The following CCDC85A variants were observed in gnomAD, a reference collection of about 807,000 sequenced individuals.
The protein encoded by CCDC85A is coiled-coil domain-containing protein 85A.
Under a neutral mutation model 50.2 loss-of-function variants are expected in CCDC85A, and 38 were observed. The observed-to-expected ratio is 0.76, with a 90% CI of 0.58 to 0.99. The LOEUF is 0.99. Among genes scored for constraint, CCDC85A ranks in the 50% least tolerant of loss-of-function variants. The pLI is 0.00. For synonymous variants in CCDC85A, 366 were observed against 301.4 expected (o/e 1.21, Z -2.22); for missense variants, 820 against 742.0 (o/e 1.11, Z -1.22).
intron 2 of CCDC85A, among the ~76,000 whole-genome samples, chr2:56,241,698 A>C (rs776638213): frequency 6.6e-6 from 1 of 152,202 alleles, no homozygotes; most frequent in Non-Finnish European, 1.5e-5. Context: ...ACTCCATGGT[A>C]TATACCACAT....
chr2:56,188,871 G>A (rs1033453749), intron 1 of CCDC85A, among the ~76,000 whole-genome samples: 1 of 152,224 alleles, frequency 6.6e-6, no homozygotes, highest in Admixed American at 6.5e-5. Flanking sequence ...AAGGCACCAT[G>A]CCAGATATGT....
chr2:56,204,726 G>C (rs752023078), intron 2 of CCDC85A, among the ~76,000 whole-genome samples: 1 of 152,198 alleles, frequency 6.6e-6, no homozygotes. Context: ...GGAATTCTGT[G>C]TGTAGGTGGA....
At position 56,193,161 on chromosome 2, in the gene CCDC85A, C is replaced by G; in HGVS notation, c.961C>G (p.Arg321Gly). ...SGSPEHFQKH[R>G]SGSSPEHARH... ...GAGCCCGGAACACTTCCAGAAGCAC[C>G]GGTCAGGGAGCAGCCCTGAACACGC... Residue 321 changes from arginine (R) to glycine (G), a missense_variant, in exon 2 of 6, where the codon CGG becomes GGG. Coordinates refer to ENST00000407595, the MANE Select transcript of CCDC85A (RefSeq NM_001080433.2). 6.2e-7 allele frequency: 1 copy of G among 1,613,434 alleles called. No individual in the cohort carries two copies. Among genetic ancestry groups the G allele is most frequent in the Non-Finnish European group, 8.5e-7 (1 of 1,179,782 alleles).
At chr2:56,340,043 T>TTGTCTCCAATGGTGTG (rs1674279323) in intron 2 of CCDC85A, among the ~76,000 whole-genome samples, 1 of 152,232 alleles carries the variant, frequency 6.6e-6, no homozygotes, top group Admixed American at 6.5e-5. Context: ...TCAAAGCTAA[T>TTGTCTCCAATGGTGTG]TGTCTCCAAT....
At chr2:56,267,987 A>G (rs1357025998) in intron 2 of CCDC85A, among the ~76,000 whole-genome samples, 2 of 152,202 alleles carry the variant, frequency 1.3e-5, no homozygotes, top group Non-Finnish European at 2.9e-5. Flanking sequence ...TAGACTTTCT[A>G]TGTTCATATT....
At chr2:56,334,741 C>T (rs903424603) in intron 2 of CCDC85A, among the ~76,000 whole-genome samples, 1 of 152,060 alleles carries the variant, frequency 6.6e-6, no homozygotes, top group Non-Finnish European at 1.5e-5. Flanking sequence ...TTTTTCATTC[C>T]ATGAAAGGAA....
chr2:56,315,067 C>T (rs1270799500), intron 2 of CCDC85A, among the ~76,000 whole-genome samples: 1 of 152,176 alleles, frequency 6.6e-6, no homozygotes, highest in East Asian at 1.9e-4. Context: ...TCATCTGTCA[C>T]AGGCTTCTGG....
intron 2 of CCDC85A, among the ~76,000 whole-genome samples, chr2:56,274,357 C>T (rs1670831437): frequency 6.6e-6 from 1 of 152,076 alleles, no homozygotes; most frequent in South Asian, 2.1e-4. Flanking sequence ...TGGGGGCTGA[C>T]AAGTTTGAAA....
At chr2:56,310,600 A>T (rs1672646254) in intron 2 of CCDC85A, among the ~76,000 whole-genome samples, 1 of 152,158 alleles carries the variant, frequency 6.6e-6, no homozygotes, top group Non-Finnish European at 1.5e-5. Flanking sequence ...AAAAAATTTG[A>T]TCTACTTCAG....
chr2:56,347,082 G>A (rs1198967291), intron 3 of CCDC85A, among the ~76,000 whole-genome samples: 2 of 152,170 alleles, frequency 1.3e-5, no homozygotes, highest in African/African-American at 4.8e-5. Context: ...GTTTTAAGGA[G>A]TTTTGTATCA....
chr2:56,364,112 A>G (rs368929725), intron 3 of CCDC85A, among the ~76,000 whole-genome samples: 28 of 152,280 alleles, frequency 1.8e-4, no homozygotes, highest in African/African-American at 6.7e-4. Context: ...GTAGTTGCCT[A>G]TGTTTCCTAG....
intron 2 of CCDC85A, among the ~76,000 whole-genome samples, chr2:56,293,496 A>G (rs1671809706): frequency 6.6e-6 from 1 of 152,222 alleles, no homozygotes; most frequent in East Asian, 1.9e-4. Context: ...ATTAAACTAA[A>G]GAGCTTCTGC....
intron 2 of CCDC85A, among the ~76,000 whole-genome samples, chr2:56,276,684 C>T: frequency 6.6e-6 from 1 of 152,106 alleles, no homozygotes; most frequent in Admixed American, 6.6e-5. Flanking sequence ...TGTAAATTGC[C>T]CAGTCTCTGA....
chr2:56,196,540 T>C (rs1676526263), intron 2 of CCDC85A, among the ~76,000 whole-genome samples: 1 of 152,230 alleles, frequency 6.6e-6, no homozygotes, highest in Non-Finnish European at 1.5e-5. Context: ...GGCAAAAATG[T>C]TTCCTTCCAC....
intron 2 of CCDC85A, among the ~76,000 whole-genome samples, chr2:56,246,070 A>T (rs1471182915): frequency 6.6e-6 from 1 of 152,118 alleles, no homozygotes; most frequent in Non-Finnish European, 1.5e-5. Context: ...GATTACAGGC[A>T]TGTGCCACCA....
intron 1 of CCDC85A, among the ~76,000 whole-genome samples, chr2:56,187,860 T>G (rs993787692): frequency 6.6e-6 from 1 of 152,214 alleles, no homozygotes; most frequent in African/African-American, 2.4e-5. Flanking sequence ...TTCAGGCTGC[T>G]CTGACCCAGT....
chr2:56,349,007 G>C (rs758327058), intron 3 of CCDC85A, among the ~76,000 whole-genome samples: 1 of 152,074 alleles, frequency 6.6e-6, no homozygotes, highest in Non-Finnish European at 1.5e-5. Context: ...GGCTTTCCAG[G>C]ATCCTTAAAG....
At chr2:56,340,358 G>A (rs1252819135) in intron 2 of CCDC85A, among the ~76,000 whole-genome samples, 2 of 152,136 alleles carry the variant, frequency 1.3e-5, no homozygotes, top group Non-Finnish European at 2.9e-5. Flanking sequence ...CAAACACTTA[G>A]GTGCACTACC....
At chr2:56,195,811 G>A (rs138886500) in intron 2 of CCDC85A, among the ~76,000 whole-genome samples, 1 of 152,258 alleles carries the variant, frequency 6.6e-6, no homozygotes, top group Non-Finnish European at 1.5e-5. Flanking sequence ...TTTTGGATGA[G>A]CACTTGCATG....
Sources: gnomAD v4.1 joint callset for allele counts (sites outside exome capture counted in the v4.1 genomes callset) on GRCh38, gnomAD v4.1.1 for gene constraint, MANE v1.5 for transcripts, NCBI Gene and HGNC (gene_info 2026-07-23, HGNC 2026-07-21) for gene names.